Variants in ZCWPW2 observed in about 807,000 individuals in gnomAD.
ZCWPW2 encodes the protein zinc finger CW-type and PWWP domain containing 2, also known as zinc finger CW-type PWWP domain protein 2.
Under a neutral mutation model 46.6 loss-of-function variants are expected in ZCWPW2, and 45 were observed. That is an observed-to-expected ratio of 0.96 (90% CI 0.76 to 1.24). ZCWPW2 has a LOEUF of 1.24. Ranked by LOEUF, ZCWPW2 falls within the 50% of genes most tolerant of loss-of-function variation. The probability of loss-of-function intolerance (pLI) is 0.00; values close to 1 mark genes in which losing one functional copy is unlikely to be tolerated. For synonymous variants in ZCWPW2, 152 were observed against 137.1 expected (o/e 1.11, Z -0.76); for missense variants, 429 against 403.9 (o/e 1.06, Z -0.53).
At chr3:28,484,837 T>C (rs1699542553) in intron 5 of ZCWPW2, among the ~76,000 whole-genome samples, 1 of 151,910 alleles carries the variant, frequency 6.6e-6, no homozygotes, top group South Asian at 2.1e-4. Context: ...GTCTCAATTT[T>C]ACTGATCTTT....
At chr3:28,453,578 A>G (rs1261672392) in intron 4 of ZCWPW2, among the ~76,000 whole-genome samples, 1 of 152,300 alleles carries the variant, frequency 6.6e-6, no homozygotes, top group Non-Finnish European at 1.5e-5. Context: ...GAAAAAAAAC[A>G]TGAATCAGGT....
chr3:28,495,456 C>T (rs1448232081), intron 6 of ZCWPW2, among the ~76,000 whole-genome samples: 6 of 152,008 alleles, frequency 3.9e-5, no homozygotes, highest in Admixed American at 3.9e-4. Flanking sequence ...CTATATATTG[C>T]TTTTATTTGT....
intron 1 of ZCWPW2, among the ~76,000 whole-genome samples, chr3:28,352,168 G>A (rs867857897): frequency 1.8e-5 from 1 of 56,714 alleles, no homozygotes; most frequent in Non-Finnish European, 4.2e-5. Flanking sequence ...ACACACACAC[G>A]AGAGAGAATT....
chr3:28,383,058 T>C (rs1248612099), intron 1 of ZCWPW2, among the ~76,000 whole-genome samples: 1 of 152,164 alleles, frequency 6.6e-6, no homozygotes, highest in African/African-American at 2.4e-5. Context: ...CAGACTTAGC[T>C]TTCTAGTGCA....
At chr3:28,435,294 T>C (rs1364467911) in intron 4 of ZCWPW2, 25 bp downstream of exon 4, 3 of 1,569,766 alleles carry the variant, frequency 1.9e-6, no homozygotes, top group East Asian at 4.5e-5. Context: ...ATCAAAACTT[T>C]ATTCTTCTTG....
intron 6 of ZCWPW2, among the ~76,000 whole-genome samples, chr3:28,495,734 G>A (rs969443): frequency 6.6e-6 from 1 of 151,584 alleles, no homozygotes; most frequent in Non-Finnish European, 1.5e-5. Context: ...TAAAAGTATG[G>A]ATCTCAGATA....
intron 1 of ZCWPW2, among the ~76,000 whole-genome samples, chr3:28,364,866 G>A (rs1371148100): frequency 2.0e-5 from 3 of 152,064 alleles, no homozygotes; most frequent in African/African-American, 7.2e-5. Flanking sequence ...ATTCTAACTG[G>A]TGTGAGATGG....
chr3:28,496,826 C>T (rs1395171025), intron 6 of ZCWPW2, among the ~76,000 whole-genome samples: 2 of 151,546 alleles, frequency 1.3e-5, no homozygotes, highest in Non-Finnish European at 2.9e-5. Flanking sequence ...AATACGATCT[C>T]TGGTTCACAA....
intron 2 of ZCWPW2, among the ~76,000 whole-genome samples, chr3:28,401,386 C>G (rs1695927309): frequency 6.6e-6 from 1 of 152,024 alleles, no homozygotes; most frequent in South Asian, 2.1e-4. Flanking sequence ...ACTCACCTAA[C>G]ACATGAAGAC....
At chr3:28,507,621 C>G (rs1021327470) in intron 6 of ZCWPW2, among the ~76,000 whole-genome samples, 1 of 151,652 alleles carries the variant, frequency 6.6e-6, no homozygotes, top group African/African-American at 2.4e-5. Context: ...GCATTTTTGT[C>G]AGTGAATGTG....
rs533603455 is a variant in ZCWPW2, at chr3:28,453,791, T to C, written c.492+18522T>C. ...ATCGTATAATTGTGAAAGTTTATAA[T>C]TGTGTATATTTATTTATTTATTTAT... On this transcript the variant is annotated intron_variant, in intron 4 of 9. Transcript: ENST00000383768. Among the ~76,000 whole-genome samples, 113 of 148,412 alleles carry C rather than the reference T, an allele frequency of 7.6e-4. No individual in the cohort carries two copies. The Middle Eastern group carries it at 0.011, about 14-fold the overall frequency.
rs1282475348 is a variant in ZCWPW2 at position 28,525,924 on chromosome 3, A to G, written c.*1236A>G. Reference sequence around the variant, plus strand: ...TATCTGGGTTCATATTTTACATACTAGCTTGTCTTAAGTCATATAACCAGT... The same window carrying G: ...TATCTGGGTTCATATTTTACATACTGGCTTGTCTTAAGTCATATAACCAGT... On this transcript the variant is annotated 3_prime_UTR_variant, in exon 10 of 10. Coordinates refer to ENST00000383768, the MANE Select transcript of ZCWPW2 (RefSeq NM_001040432.4). 1.3e-5 allele frequency among the ~76,000 whole-genome samples: 2 copies of G among 152,176 alleles called. No homozygotes were observed. The highest frequency in any genetic ancestry group is 4.8e-5 in the African/African-American group (2 of 41,454).
intron 5 of ZCWPW2, among the ~76,000 whole-genome samples, chr3:28,482,397 C>T (rs928106029): frequency 6.6e-6 from 1 of 152,114 alleles, no homozygotes; most frequent in Admixed American, 6.6e-5. Flanking sequence ...AAATCATTCA[C>T]CTATGAAAGG....
At chr3:28,481,692 G>A (rs576952587) in intron 5 of ZCWPW2, among the ~76,000 whole-genome samples, 1 of 152,094 alleles carries the variant, frequency 6.6e-6, no homozygotes, top group South Asian at 2.1e-4. Flanking sequence ...TTTTCAAGTA[G>A]CAATGATTTT....
chr3:28,370,343 G>T (rs1200799062), intron 1 of ZCWPW2, among the ~76,000 whole-genome samples: 1 of 152,172 alleles, frequency 6.6e-6, no homozygotes, highest in Non-Finnish European at 1.5e-5. Flanking sequence ...CTAAACTGGA[G>T]ATCTAAATAG....
intron 1 of ZCWPW2, among the ~76,000 whole-genome samples, chr3:28,366,702 A>G (rs1261891401): frequency 2.0e-5 from 3 of 152,080 alleles, no homozygotes; most frequent in African/African-American, 7.2e-5. Context: ...TGATTGGAAT[A>G]GTTTCAGAAG....
At chr3:28,412,371 A>C (rs1365064665) in intron 2 of ZCWPW2, among the ~76,000 whole-genome samples, 1 of 151,984 alleles carries the variant, frequency 6.6e-6, no homozygotes, top group Non-Finnish European at 1.5e-5. Flanking sequence ...TATGAGATTT[A>C]TTTAATTTTT....
chr3:28,396,626 C>A (rs1413989604), intron 2 of ZCWPW2, among the ~76,000 whole-genome samples: 2 of 152,100 alleles, frequency 1.3e-5, no homozygotes. Context: ...TTCTCAAACC[C>A]AGGAGAGTTG....
Position 28,413,072 on chromosome 3 carries a change from G to A in ZCWPW2, c.4G>A (p.Asp2Asn), listed in dbSNP as rs757202829. ...ATTTTCCAGATTAAATGCCTTAATGGATAAAGAAAAATTGGATGTTAAGAT... is the reference window on the plus strand; with the variant it reads ...ATTTTCCAGATTAAATGCCTTAATGAATAAAGAAAAATTGGATGTTAAGAT... Reference protein sequence around the residue: MDKEKLDVKIEY... With the variant: MNKEKLDVKIEY... Residue 2 changes from aspartate (D) to asparagine (N), a missense_variant, in exon 3 of 10, where the codon GAT (aspartate) becomes AAT (asparagine). Asp to Asn is a conservative substitution (Grantham distance 23). Coordinates refer to ENST00000383768, the MANE Select transcript of ZCWPW2 (RefSeq NM_001040432.4). 1 of 1,605,992 alleles carries A rather than the reference G, an allele frequency of 6.2e-7. No homozygotes were observed. The highest frequency in any genetic ancestry group is 1.7e-5 in the Admixed American group (1 of 59,588).
Sources: allele counts gnomAD v4.1 joint callset (sites outside exome capture counted in the v4.1 genomes callset), GRCh38; gene constraint gnomAD v4.1.1; transcripts MANE v1.5; gene names NCBI Gene and HGNC (gene_info 2026-07-23, HGNC 2026-07-21).